Variants in TST observed in about 807,000 individuals in gnomAD.
The protein encoded by TST is epididymis secretory sperm binding protein.
A neutral mutation model predicts 20.4 loss-of-function variants in TST; 22 were observed. The ratio of observed to expected loss-of-function variants is 1.08; its 90% CI spans 0.77 to 1.54. The LOEUF is 1.54. Among genes scored for constraint, TST ranks in the 40% most tolerant of loss-of-function variants. TST has a pLI of 0.00. For synonymous variants in TST, 187 were observed against 173.8 expected (o/e 1.08, Z -0.60); for missense variants, 392 against 405.2 (o/e 0.97, Z 0.28).
At chr22:37,017,777 A>G (rs1224226624) in intron 2 of TST, among the ~76,000 whole-genome samples, 2 of 152,136 alleles carry the variant, frequency 1.3e-5, no homozygotes, top group Non-Finnish European at 2.9e-5. Context: ...AGGTTTCTGT[A>G]CAGCAATGCA....
chr22:37,013,278 T>C (rs4821580), intron 2 of TST: 70,339 of 151,782 alleles, frequency 0.46, 16,521 homozygotes, highest in Middle Eastern at 0.55. Flanking sequence ...CAGATTTCTT[T>C]CTTCCTTCTC....
chr22:37,015,762 C>T (rs1377296288), intron 2 of TST, among the ~76,000 whole-genome samples: 1 of 152,082 alleles, frequency 6.6e-6, no homozygotes, highest in Non-Finnish European at 1.5e-5. Flanking sequence ...GATCCCACAC[C>T]ACGCTGGGAA....
upstream of TST, chr22:37,020,044 T>G: frequency 4.8e-5 from 15 of 309,534 alleles, no homozygotes; most frequent in Non-Finnish European, 6.8e-5. Flanking sequence ...TGGGGCGGCC[T>G]GCCGGGTGGG....
At position 37,018,746 on chromosome 22, in the gene TST, CG is replaced by C; in HGVS notation, c.-15del. 6.8e-7 allele frequency: 1 copy of C among 1,468,816 alleles called. No homozygotes were observed. Among genetic ancestry groups the C allele is most frequent in the Non-Finnish European group, 9.0e-7 (1 of 1,115,562 alleles). The allele number at this position is 1,468,816 out of a possible 1,614,324, so 91.0% of individuals were successfully genotyped here. The stretch of plus-strand genomic sequence containing the variant: ...CTGATGAACCATGGCTTCAGCTCTG[CG>C]TGTCACCTGGCACGGGTGGGAACCA... On this transcript the variant is annotated 5_prime_UTR_variant, in exon 2 of 3. Coordinates refer to ENST00000249042, the MANE Select transcript of TST (RefSeq NM_003312.6).
upstream of TST, chr22:37,019,693 A>G (rs2145905112): frequency 2.9e-6 from 1 of 346,578 alleles, no homozygotes; most frequent in East Asian, 4.3e-5. Context: ...CGGCCCGGCC[A>G]GTGGAAGGCG....
At chr22:37,018,112 G>A (rs374978157) in intron 2 of TST, 26 bp downstream of exon 2, 794 of 1,500,558 alleles carry the variant, frequency 5.3e-4, no homozygotes, top group Non-Finnish European at 6.0e-4. Flanking sequence ...TACTCCCCAG[G>A]GACCACCCAG....
chr22:37,011,271 A>G lies in TST; in HGVS notation c.650T>C (p.Leu217Pro). The G allele has an allele frequency of 6.2e-7, 1 of 1,613,960 alleles. No individual in the cohort carries two copies. Among genetic ancestry groups the G allele is most frequent in the Non-Finnish European group, 8.5e-7 (1 of 1,179,982 alleles). ...GCCCTTCTCGAAGCCATCCTCAGTC[A>G]GGAAGTCCATGAAAGGCATGTTGAC... The part of the protein sequence containing the change: ...GAVNMPFMDF[L>P]TEDGFEKGPE... Residue 217 changes from leucine (L) to proline (P), a missense_variant, in exon 3 of 3, where the codon CTG (leucine) becomes CCG (proline). Leu to Pro is a moderately conservative substitution (Grantham distance 98). Transcript: ENST00000249042.
chr22:37,011,264 C>G lies in TST; in HGVS notation c.657G>C (p.Glu219Asp). Residue 219 changes from glutamate to aspartate, a missense_variant, in exon 3 of 3, where the codon GAG becomes GAC. Glu to Asp is a conservative substitution (Grantham distance 45). Transcript: ENST00000249042. Reference protein sequence around the residue: ...VNMPFMDFLTEDGFEKGPEEL... With the variant: ...VNMPFMDFLTDDGFEKGPEEL... ...CTTCTGGGCCCTTCTCGAAGCCATCCTCAGTCAGGAAGTCCATGAAAGGCA... is the reference window on the plus strand; with the variant it reads ...CTTCTGGGCCCTTCTCGAAGCCATCGTCAGTCAGGAAGTCCATGAAAGGCA... The G allele has an allele frequency of 6.2e-7, 1 of 1,613,984 alleles. No individual in the cohort carries two copies.
upstream of TST, chr22:37,020,167 G>A: frequency 2.8e-6 from 1 of 361,420 alleles, no homozygotes; most frequent in Non-Finnish European, 5.0e-6. Flanking sequence ...CTGACCCAGA[G>A]GCCCCAGGAA....
At chr22:37,018,994 T>G in intron 1 of TST, 1 of 394,328 alleles carries the variant, frequency 2.5e-6, no homozygotes, top group Non-Finnish European at 4.5e-6. Context: ...GGGCAAGAGT[T>G]TCCGAGGACT....
intron 2 of TST, 112 bp from the exon 3 acceptor site, chr22:37,011,437 A>G (rs1252315904): frequency 8.3e-7 from 1 of 1,203,796 alleles, no homozygotes; most frequent in Admixed American, 2.6e-5. Context: ...GCAAATAAAA[A>G]TAACATCTTT....
upstream of TST, chr22:37,019,916 G>A (rs1377669503): frequency 5.6e-6 from 6 of 1,071,948 alleles, no homozygotes; most frequent in Non-Finnish European, 7.2e-6. Context: ...GAGGGGGAGG[G>A]AGTGGCTCTT....
At chr22:37,013,953 G>A (rs1253302349) in intron 2 of TST, among the ~76,000 whole-genome samples, 1 of 152,186 alleles carries the variant, frequency 6.6e-6, no homozygotes, top group East Asian at 1.9e-4. Context: ...TGTAGAGCGG[G>A]CCTCCCACAC....
intron 2 of TST, among the ~76,000 whole-genome samples, chr22:37,013,878 C>T (rs1437308579): frequency 6.6e-6 from 1 of 152,152 alleles, no homozygotes; most frequent in Non-Finnish European, 1.5e-5. Flanking sequence ...TGACACAGCC[C>T]CACTGTGTTC....
At chr22:37,020,066 TG>T, upstream of TST, 1 of 237,824 alleles carries the variant, frequency 4.2e-6, no homozygotes, top group African/African-American at 2.6e-5. Flanking sequence ...TCGTGGCGAG[TG>T]GCGGGTGGGG....
chr22:37,018,385 G>T lies in TST; in HGVS notation c.348C>A (p.Phe116Leu). ...ATACGGTGCGGTGGCCAAACACACGGAACATCCACCAGACCCGGGGAGCAT... is the reference window on the plus strand; with the variant it reads ...ATACGGTGCGGTGGCCAAACACACGTAACATCCACCAGACCCGGGGAGCAT... ...SFYAPRVWWM[F>L]RVFGHRTVSV... Residue 116 changes from phenylalanine to leucine, a missense_variant, in exon 2 of 3, where the codon TTC becomes TTA. Phe to Leu is a conservative substitution (Grantham distance 22, BLOSUM62 0). Transcript: ENST00000249042. The T allele has an allele frequency of 3.1e-6, 5 of 1,613,928 alleles. No homozygotes were observed. The highest frequency in any genetic ancestry group is 4.2e-6 in the Non-Finnish European group (5 of 1,180,016).
At position 37,011,337 on chromosome 22, in the gene TST, A is replaced by G; in HGVS notation, c.596-12T>C. On this transcript the variant is annotated splice_polypyrimidine_tract_variant and intron_variant, in intron 2 of 2. Coordinates refer to ENST00000249042, the MANE Select transcript of TST (RefSeq NM_003312.6). ...GCCCGAGTCCAGTCCTGGGCAGGGC[A>G]GAGGACACAGCTTAGGGGATGTATG... 1.2e-6 allele frequency: 2 copies of G among 1,606,306 alleles called. No homozygotes were observed. Among genetic ancestry groups the G allele is most frequent in the East Asian group, 2.2e-5 (1 of 44,696 alleles).
At chr22:37,011,405 A>T in intron 2 of TST, 80 bp from the exon 3 acceptor site, 1 of 1,426,570 alleles carries the variant, frequency 7.0e-7, no homozygotes, top group East Asian at 2.3e-5. Context: ...CATCAGCTAT[A>T]GCTGGAAGGA....
chr22:37,011,404 T>C (rs369076506), intron 2 of TST, 79 bp from the exon 3 acceptor site: 1 of 1,434,160 alleles, frequency 7.0e-7, no homozygotes. Context: ...CCATCAGCTA[T>C]AGCTGGAAGG....
Sources: gnomAD v4.1 joint callset for allele counts (sites outside exome capture counted in the v4.1 genomes callset) on GRCh38, gnomAD v4.1.1 for gene constraint, MANE v1.5 for transcripts, NCBI Gene and HGNC (gene_info 2026-07-23, HGNC 2026-07-21) for gene names.